RCN1: variants seen among roughly 807,000 people sequenced by gnomAD.
RCN1 encodes reticulocalbin-1.
A neutral mutation model predicts 34.7 loss-of-function variants in RCN1; 14 were observed. That is an observed-to-expected ratio of 0.40 (90% CI 0.27 to 0.63). The LOEUF is 0.63. Ranked by LOEUF, RCN1 falls within the 30% of genes least tolerant of loss-of-function variation. The pLI, the probability that RCN1 is intolerant of heterozygous loss-of-function variation, is 0.37. For synonymous variants in RCN1, 125 were observed against 165.5 expected (o/e 0.76, Z 1.88); for missense variants, 326 against 425.1 (o/e 0.77, Z 2.05).
rs1720721155 is a variant in RCN1 at position 32,100,388 on chromosome 11, T to C, written c.628-160T>C. ...GATTAGGAACAGAAACTATTGCCTGTTTTTTACAGATAAAAAACTAGTTCC... is the reference window on the plus strand; with the variant it reads ...GATTAGGAACAGAAACTATTGCCTGCTTTTTACAGATAAAAAACTAGTTCC... On this transcript the variant is annotated intron_variant, in intron 3 of 5. Coordinates refer to ENST00000054950, the MANE Select transcript of RCN1 (RefSeq NM_002901.4). 6.4e-6 allele frequency: 4 copies of C among 628,906 alleles called. No homozygotes were observed. In the South Asian group the frequency reaches 7.9e-5, roughly 12 times the overall value. 39.0% of individuals were successfully genotyped at this position (628,906 alleles called of 1,614,324 possible). A position where few individuals can be genotyped will look rare whatever the true frequency, so the allele number is the denominator to read the frequency against.
chr11:32,097,433 G>T, intron 2 of RCN1, 96 bp downstream of exon 2: 1 of 849,588 alleles, frequency 1.2e-6, no homozygotes, highest in Non-Finnish European at 1.7e-6. Flanking sequence ...TCCCTTCAGG[G>T]AGATGTCACA....
At chr11:32,098,566 G>A in intron 3 of RCN1, 38 bp downstream of exon 3, 1 of 1,497,652 alleles carries the variant, frequency 6.7e-7, no homozygotes, top group Non-Finnish European at 9.0e-7. Flanking sequence ...GAAGAGACCA[G>A]GGAGAAAACT....
chr11:32,103,368 A>T lies in RCN1; in HGVS notation c.776A>T (p.Asn259Ile). Reference sequence around the variant, plus strand: ...CAGTTTAACGAATTCCGGGATCTGAACAAGGACGGGAAGTTAGACAAAGAT... The same window carrying T: ...CAGTTTAACGAATTCCGGGATCTGATCAAGGACGGGAAGTTAGACAAAGAT... The part of the protein sequence containing the change: ...REQFNEFRDL[N>I]KDGKLDKDEI... Residue 259 changes from asparagine to isoleucine, a missense_variant, in exon 5 of 6, where the codon AAC (asparagine) becomes ATC (isoleucine). Asn to Ile is a moderately radical substitution (Grantham distance 149, BLOSUM62 -3). Transcript: ENST00000054950. 1.2e-6 allele frequency: 2 copies of T among 1,613,700 alleles called. No homozygotes were observed. Among genetic ancestry groups the T allele is most frequent in the Non-Finnish European group, 8.5e-7 (1 of 1,179,570 alleles).
intron 3 of RCN1, among the ~76,000 whole-genome samples, chr11:32,099,691 C>T (rs560567711): frequency 6.6e-6 from 1 of 152,190 alleles, no homozygotes; most frequent in Non-Finnish European, 1.5e-5. Context: ...TGTTTCAATC[C>T]TGGGAAACAG....
chr11:32,098,644 T>C (rs761674558), intron 3 of RCN1, 116 bp downstream of exon 3: 5 of 848,620 alleles, frequency 5.9e-6, no homozygotes, highest in Non-Finnish European at 8.9e-6. Context: ...AGAAGGACTC[T>C]GAAGTAGAGT....
intron 1 of RCN1, 160 bp downstream of exon 1, chr11:32,091,610 T>G (rs919158750): frequency 7.9e-6 from 7 of 885,712 alleles, no homozygotes; most frequent in Admixed American, 8.0e-5. Flanking sequence ...TCAGGCTAAC[T>G]TGCTGGAGGG....
intron 2 of RCN1, among the ~76,000 whole-genome samples, 194 bp from the exon 3 acceptor site, chr11:32,098,156 G>A (rs963247154): frequency 2.6e-5 from 4 of 152,194 alleles, no homozygotes; most frequent in Admixed American, 2.6e-4. Flanking sequence ...TATGCCATGA[G>A]GCCTAGATTA....
chr11:32,094,807 G>A (rs1851954820), intron 1 of RCN1, among the ~76,000 whole-genome samples: 1 of 152,184 alleles, frequency 6.6e-6, no homozygotes, highest in Non-Finnish European at 1.5e-5. Context: ...GCAGATAATG[G>A]GGACCAGAGG....
intron 5 of RCN1, 90 bp downstream of exon 5, chr11:32,103,570 C>T (rs1256062101): frequency 9.1e-7 from 1 of 1,093,246 alleles, no homozygotes; most frequent in Non-Finnish European, 1.4e-6. Context: ...AGCATTGACC[C>T]ATGTGGCCAT....
chr11:32,101,388 AG>A (rs1852039292), intron 4 of RCN1, among the ~76,000 whole-genome samples: 1 of 152,200 alleles, frequency 6.6e-6, no homozygotes, highest in African/African-American at 2.4e-5. Context: ...ATAAAGTAAA[AG>A]CTGGAAAATC....
chr11:32,103,606 C>T, intron 5 of RCN1, 126 bp downstream of exon 5: 1 of 808,944 alleles, frequency 1.2e-6, no homozygotes, highest in Non-Finnish European at 2.1e-6. Context: ...TCCTTCTTGT[C>T]CTACAGTGGA....
rs1380471886 is a variant in RCN1 at position 32,091,239 on chromosome 11, G to C, written c.43G>C (p.Gly15Arg). ...GRGRRLGLAL[G>R]LLLALVLAPR... ...CGGCCGCCGCCTGGGGTTAGCCCTG[G>C]GGCTGCTGCTGGCGCTGGTGCTGGC... Residue 15 changes from glycine to arginine, a missense_variant, in exon 1 of 6, where the codon GGG (glycine) becomes CGG (arginine). Coordinates refer to ENST00000054950, the MANE Select transcript of RCN1 (RefSeq NM_002901.4). 2 of 1,529,930 alleles carry C rather than the reference G, an allele frequency of 1.3e-6. No individual in the cohort carries two copies. The highest frequency in any genetic ancestry group is 2.8e-5 in the African/African-American group (2 of 70,874). The allele number at this position is 1,529,930 out of a possible 1,614,324, so 94.8% of individuals were successfully genotyped here.
At chr11:32,097,897 T>C (rs1052964109) in intron 2 of RCN1, among the ~76,000 whole-genome samples, 7 of 152,186 alleles carry the variant, frequency 4.6e-5, no homozygotes, top group African/African-American at 1.4e-4. Flanking sequence ...GGTGCAGACC[T>C]GCTGGGTGCA....
At chr11:32,092,095 G>A (rs1216725828) in intron 1 of RCN1, among the ~76,000 whole-genome samples, 1 of 151,892 alleles carries the variant, frequency 6.6e-6, no homozygotes, top group East Asian at 1.9e-4. Context: ...ATCACCTGAG[G>A]TCAGGAGTTC....
intron 3 of RCN1, among the ~76,000 whole-genome samples, 184 bp downstream of exon 3, chr11:32,098,712 G>C (rs618206): frequency 6.6e-6 from 1 of 152,056 alleles, no homozygotes; most frequent in Non-Finnish European, 1.5e-5. Flanking sequence ...TGCTGTAACA[G>C]ATAGCCCCCA....
At chr11:32,099,508 G>T (rs1005249063) in intron 3 of RCN1, among the ~76,000 whole-genome samples, 1 of 152,304 alleles carries the variant, frequency 6.6e-6, no homozygotes, top group East Asian at 1.9e-4. Flanking sequence ...TGGGTCTTTG[G>T]AGGGTGGGTG....
At chr11:32,096,530 A>G (rs1851974730) in intron 1 of RCN1, 1 of 152,106 alleles carries the variant, frequency 6.6e-6, no homozygotes, top group Admixed American at 6.5e-5. Context: ...CAGCCCTGAC[A>G]TTTGTGCTGT....
intron 1 of RCN1, among the ~76,000 whole-genome samples, chr11:32,095,764 G>A (rs1485423339): frequency 6.6e-6 from 1 of 151,496 alleles, no homozygotes; most frequent in Non-Finnish European, 1.5e-5. Flanking sequence ...TGTTGCCCAG[G>A]CTACTCTCAA....
chr11:32,095,084 T>C (rs1334677850), intron 1 of RCN1, among the ~76,000 whole-genome samples: 7 of 152,170 alleles, frequency 4.6e-5, no homozygotes, highest in African/African-American at 1.4e-4. Flanking sequence ...CAGTTGGCGT[T>C]GGGTAACCCA....
Sources: allele counts gnomAD v4.1 joint callset (sites outside exome capture counted in the v4.1 genomes callset), GRCh38; gene constraint gnomAD v4.1.1; transcripts MANE v1.5; gene names NCBI Gene and HGNC (gene_info 2026-07-23, HGNC 2026-07-21).